Variants in TTN observed in about 807,000 individuals in gnomAD.
TTN encodes titin, also known as connectin.
TTN carries 1,525 observed loss-of-function variants against 3,223.0 expected under a neutral mutation model. The observed-to-expected ratio is 0.47, with a 90% CI of 0.45 to 0.49. The LOEUF (loss-of-function observed/expected upper bound fraction) is 0.49, where lower values mean the gene tolerates loss of function less well. TTN is among the 20% of genes least tolerant of loss of function. TTN has a pLI of 0.00. For synonymous variants in TTN, 14,094 were observed against 15,161.0 expected, an observed-to-expected ratio of 0.93 and a Z score of 5.17; for missense variants, 40,786 against 43,424.0, an observed-to-expected ratio of 0.94 and a Z score of 5.40.
In TTN at chr2:178,775,549, T is replaced by G. The variant is rs1347825753; in HGVS notation, c.6315A>C (p.Pro2105=). ...AHFRVRVVGK[P]DPECEWYKNG... ...TTTTGTACCATTCACATTCGGGGTCTGGTTTCCCCACGACTCTGACCCGGA... is the reference window on the plus strand; with the variant it reads ...TTTTGTACCATTCACATTCGGGGTCGGGTTTCCCCACGACTCTGACCCGGA... Residue 2105 remains proline, a synonymous_variant, in exon 28 of 363, where the codon CCA becomes CCC. Coordinates refer to ENST00000589042, the MANE Select transcript of TTN (RefSeq NM_001267550.2). 9 of 1,614,042 alleles carry G rather than the reference T, an allele frequency of 5.6e-6. No homozygotes were observed. The highest frequency in any genetic ancestry group is 7.6e-6 in the Non-Finnish European group (9 of 1,179,990).
In TTN at chr2:178,795,308, G is replaced by A. The variant is rs2093708602; in HGVS notation, c.915-56C>T. The stretch of plus-strand genomic sequence containing the variant: ...TCAAAGCAAGGAGGGGTAACTGGAT[G>A]TGAATCATGAGATGAAAAGCTGGAA... On this transcript the variant is annotated intron_variant, in intron 6 of 362. Transcript: ENST00000589042. 3.9e-6 allele frequency: 6 copies of A among 1,542,848 alleles called. No homozygotes were observed. In the Admixed American group the frequency reaches 8.4e-5, roughly 22 times the overall value.
Position 178,740,228 on chromosome 2 carries a change from T to G in TTN, c.13005A>C (p.Glu4335Asp). The part of the protein sequence containing the change: ...GKSLRFPLAL[E>D]EKQVLLKEEH... Reference sequence around the variant, plus strand: ...CTTCTTTGAGCAGTACCTGCTTTTCTTCAAGTGCTAGTGGAAATCTTAAGG... The same window carrying G: ...CTTCTTTGAGCAGTACCTGCTTTTCGTCAAGTGCTAGTGGAAATCTTAAGG... Residue 4335 changes from glutamate to aspartate, a missense_variant, in exon 48 of 363, where the codon GAA (glutamate) becomes GAC (aspartate). By Grantham distance (45) the Glu-to-Asp change is conservative. Transcript: ENST00000589042. 6.2e-7 allele frequency: 1 copy of G among 1,613,698 alleles called. No homozygotes were observed. The highest frequency in any genetic ancestry group is 8.5e-7 in the Non-Finnish European group (1 of 1,179,818).
Position 178,729,385 on chromosome 2 carries a change from A to G in TTN, c.18771T>C (p.His6257=), listed in dbSNP as rs2079980498. ...TGTCTGAAGGGTCACACTTGGTTATATGGAGGTTAAACACAGACACTCTGT... is the reference window on the plus strand; with the variant it reads ...TGTCTGAAGGGTCACACTTGGTTATGTGGAGGTTAAACACAGACACTCTGT... ...LTDRVSVFNL[H]ITKCDPSDTG... Residue 6257 remains histidine (H), a synonymous_variant, in exon 64 of 363, where the codon CAT becomes CAC. Coordinates refer to ENST00000589042, the MANE Select transcript of TTN (RefSeq NM_001267550.2). 6.2e-7 allele frequency: 1 copy of G among 1,613,492 alleles called. No homozygotes were observed. The highest frequency in any genetic ancestry group is 8.5e-7 in the Non-Finnish European group (1 of 1,179,658).
chr2:178,718,703 A>G lies in TTN; in HGVS notation c.24497T>C (p.Phe8166Ser). Reference sequence around the variant, plus strand: ...TGGGGGAAAGAGCAAACCTTTCACAAAAAGATGTGTGGTACAGGAAGCACT... The same window carrying G: ...TGGGGGAAAGAGCAAACCTTTCACAGAAAGATGTGTGGTACAGGAAGCACT... Reference protein sequence around the residue: ...AGSASCTTHLFVKEPATFVKR... With the variant: ...AGSASCTTHLSVKEPATFVKR... Residue 8166 changes from phenylalanine to serine, a missense_variant, in exon 84 of 363, where the codon TTT becomes TCT. Coordinates refer to ENST00000589042, the MANE Select transcript of TTN (RefSeq NM_001267550.2). 1 of 1,613,246 alleles carries G rather than the reference A, an allele frequency of 6.2e-7. No individual in the cohort carries two copies. The highest frequency in any genetic ancestry group is 1.3e-5 in the African/African-American group (1 of 75,018).
In TTN at chr2:178,672,326, C is replaced by T. The variant is rs960387877; in HGVS notation, c.34931-59G>A. The T allele has an allele frequency of 3.1e-6, 5 of 1,601,262 alleles. No individual in the cohort carries two copies. In the South Asian group the frequency reaches 4.5e-5, roughly 14 times the overall value. Reference sequence around the variant, plus strand: ...TAAACACTGAAGAAATAAAGATGTACATTCAAAATATATATTTTTAAAACT... The same window carrying T: ...TAAACACTGAAGAAATAAAGATGTATATTCAAAATATATATTTTTAAAACT... On this transcript the variant is annotated intron_variant, in intron 154 of 362. Transcript: ENST00000589042.
At chr2:178,748,015 T>C in intron 47 of TTN, 8 of 1,612,994 alleles carry the variant, frequency 5.0e-6, no homozygotes, top group Non-Finnish European at 6.8e-6. Flanking sequence ...CATCCTGCTT[T>C]GGAAATGCTG....
At chr2:178,663,538 T>C (rs891324455) in intron 171 of TTN, 22 bp from the exon 172 acceptor site, 2 of 1,613,346 alleles carry the variant, frequency 1.2e-6, no homozygotes, top group African/African-American at 2.7e-5. Flanking sequence ...TTAGTGAAAT[T>C]ACATTTAGGC....
intron 93 of TTN, 35 bp from the exon 94 acceptor site, chr2:178,713,010 T>C: frequency 1.2e-6 from 2 of 1,606,044 alleles, no homozygotes; most frequent in Non-Finnish European, 1.7e-6. Context: ...AAAGGTTTAG[T>C]ATTTGTGAAT....
At position 178,561,240 on chromosome 2, in the gene TTN, G is replaced by A. The variant is rs779581886; in HGVS notation, c.84892C>T (p.Arg28298Trp). 9.9e-6 allele frequency: 16 copies of A among 1,613,488 alleles called. No individual in the cohort carries two copies. The highest frequency in any genetic ancestry group is 5.3e-5 in the African/African-American group (4 of 74,884). Residue 28298 changes from arginine (R) to tryptophan (W), a missense_variant, in exon 326 of 363, where the codon CGG becomes TGG. Arg to Trp is a moderately radical substitution (Grantham distance 101). Transcript: ENST00000589042. Reference sequence around the variant, plus strand: ...TTAGTATAATTGCACTTCAGCCACCGGCCATCTGGTAGTTCTCTGCGTTCA... The same window carrying A: ...TTAGTATAATTGCACTTCAGCCACCAGCCATCTGGTAGTTCTCTGCGTTCA... The part of the protein sequence containing the change: ...IVERRELPDG[R>W]WLKCNYTNIQ...
Position 178,588,695 on chromosome 2 carries a change from C to A in TTN, c.63030G>T (p.Trp21010Cys), listed in dbSNP as rs779713577. The change falls in exon 304 of 363, where the codon TGG (tryptophan) becomes TGT (cysteine). Residue 21010 changes from tryptophan (W) to cysteine (C), a missense_variant. Trp to Cys is a radical substitution (Grantham distance 215). Coordinates refer to ENST00000589042, the MANE Select transcript of TTN (RefSeq NM_001267550.2). Reference sequence around the variant, plus strand: ...GGATTGCACTCTTGTTGACAGGGACCCATCGTGTTGAATGCTTTTCCTTTT... The same window carrying A: ...GGATTGCACTCTTGTTGACAGGGACACATCGTGTTGAATGCTTTTCCTTTT... The part of the protein sequence containing the change: ...LEKKEKHSTR[W>C]VPVNKSAIPE... The A allele has an allele frequency of 6.2e-7, 1 of 1,613,136 alleles. No homozygotes were observed. Among genetic ancestry groups the A allele is most frequent in the Non-Finnish European group, 8.5e-7 (1 of 1,179,462 alleles).
chr2:178,700,222 C>T (rs1379483174), intron 111 of TTN, among the ~76,000 whole-genome samples: 1 of 152,126 alleles, frequency 6.6e-6, no homozygotes, highest in Non-Finnish European at 1.5e-5. Flanking sequence ...TGCTTATGTT[C>T]GTATGAATCA....
At position 178,636,143 on chromosome 2, in the gene TTN, C is replaced by A; in HGVS notation, c.41428G>T (p.Val13810Leu). 6.2e-7 allele frequency: 1 copy of A among 1,613,096 alleles called. No individual in the cohort carries two copies. Among genetic ancestry groups the A allele is most frequent in the Non-Finnish European group, 8.5e-7 (1 of 1,179,466 alleles). ...LSCELNKERD[V>L]VWRKDGKIVV... is the part of the protein sequence containing the mutation. ...ATCTTGCCATCCTTCCTCCAGACCA[C>A]GTCACGCTCTTTGTTTAACTCGCAG... Residue 13810 changes from valine (V) to leucine (L), a missense_variant, in exon 226 of 363, where the codon GTG (valine) becomes TTG (leucine). Physicochemically the swap from Val to Leu is conservative, Grantham distance 32. Coordinates refer to ENST00000589042, the MANE Select transcript of TTN (RefSeq NM_001267550.2). The surrounding 1 kb of genome is among the most constrained non-coding windows in gnomAD (Gnocchi z 4.3).
Position 178,541,312 on chromosome 2 carries a change from A to T in TTN, c.97765T>A (p.Ser32589Thr). 6.5e-7 allele frequency: 1 copy of T among 1,542,440 alleles called. No homozygotes were observed. Among genetic ancestry groups the T allele is most frequent in the Non-Finnish European group, 8.8e-7 (1 of 1,138,566 alleles). ...GGATCCATGGCAACGATGGGTTTGGAAGGACGACTTGGTTTCCCAGACCCT... is the reference window on the plus strand; with the variant it reads ...GGATCCATGGCAACGATGGGTTTGGTAGGACGACTTGGTTTCCCAGACCCT... ...ARGSGKPSRPSKPIVAMDPIA... is the reference protein window; with the variant it reads ...ARGSGKPSRPTKPIVAMDPIA... Residue 32589 changes from serine (S) to threonine (T), a missense_variant, in exon 350 of 363, where the codon TCC becomes ACC. Physicochemically the swap from Ser to Thr is moderately conservative, Grantham distance 58 (BLOSUM62 1). Coordinates refer to ENST00000589042, the MANE Select transcript of TTN (RefSeq NM_001267550.2).
Position 178,780,021 on chromosome 2 carries a change from G to A in TTN, c.3708C>T (p.Val1236=), listed in dbSNP as rs774509972. The part of the protein sequence containing the change: ...RKKMAKDTVV[V]RTYVEDQEFH... ...TCACCTGATCTTCTACATAAGTTCT[G>A]ACCACTACAGTATCTTTGGCCATTT... The change falls in exon 22 of 363, where the codon GTC becomes GTT. Residue 1236 remains valine, a synonymous_variant. Coordinates refer to ENST00000589042, the MANE Select transcript of TTN (RefSeq NM_001267550.2). The A allele has an allele frequency of 2.5e-6, 4 of 1,612,760 alleles. No homozygotes were observed. The East Asian group carries it at 6.7e-5, about 27-fold the overall frequency.
rs1188602562 is a variant in TTN at position 178,776,830 on chromosome 2, C to T, written c.5034G>A (p.Glu1678=). 6.2e-7 allele frequency: 1 copy of T among 1,614,024 alleles called. No individual in the cohort carries two copies. Among genetic ancestry groups the T allele is most frequent in the Non-Finnish European group, 8.5e-7 (1 of 1,180,028 alleles). The change falls in exon 28 of 363, where the codon GAG becomes GAA. Residue 1678 remains glutamate, a synonymous_variant. Transcript: ENST00000589042. Reference sequence around the variant, plus strand: ...CTTGGCCATATCGCAAATGGAGGGGCTCCAGTTCTGGGGCTGCAATCTCCT... The same window carrying T: ...CTTGGCCATATCGCAAATGGAGGGGTTCCAGTTCTGGGGCTGCAATCTCCT... ...RAKEIAAPEL[E]PLHLRYGQEQ... is the part of the protein sequence containing the mutation.
intron 47 of TTN, chr2:178,748,399 T>C: frequency 6.2e-7 from 1 of 1,613,262 alleles, no homozygotes; most frequent in Non-Finnish European, 8.5e-7. Flanking sequence ...ATACATTATT[T>C]TGCACACTTT....
Position 178,608,908 on chromosome 2 carries a change from T to C in TTN, c.52103A>G (p.Asp17368Gly), listed in dbSNP as rs1439101818. ...AAAGTTGATTGGTGGTCCCGGTGTATCTAATATTTCAGAAGAGAACAGTAA... is the reference window on the plus strand; with the variant it reads ...AAAGTTGATTGGTGGTCCCGGTGTACCTAATATTTCAGAAGAGAACAGTAA... ...AKAPCTVSVL[D>G]TPGPPINFVF... The change falls in exon 274 of 363, where the codon GAT becomes GGT. Residue 17368 changes from aspartate to glycine, a missense_variant and splice_region_variant. Coordinates refer to ENST00000589042, the MANE Select transcript of TTN (RefSeq NM_001267550.2). 4 of 1,605,824 alleles carry C rather than the reference T, an allele frequency of 2.5e-6. No individual in the cohort carries two copies. The highest frequency in any genetic ancestry group is 3.4e-6 in the Non-Finnish European group (4 of 1,178,606).
intron 152 of TTN, among the ~76,000 whole-genome samples, chr2:178,673,092 T>C (rs2067302196): frequency 1.3e-5 from 2 of 151,814 alleles, no homozygotes; most frequent in South Asian, 2.1e-4. Flanking sequence ...GAGTCTACTA[T>C]GACAGGGACA....
At chr2:178,758,948 T>C (rs376132714) in intron 44 of TTN, 36 bp downstream of exon 44, 54 of 1,590,486 alleles carry the variant, frequency 3.4e-5, no homozygotes, top group Middle Eastern at 1.7e-4. Flanking sequence ...ATTCGATCTA[T>C]ATTTAAATGG....
Sources: gnomAD v4.1 joint callset for allele counts (sites outside exome capture counted in the v4.1 genomes callset) on GRCh38, gnomAD v4.1.1 for gene constraint, Gnocchi (gnomAD v3.1) non-coding constraint, MANE v1.5 for transcripts, NCBI Gene and HGNC (gene_info 2026-07-23, HGNC 2026-07-21) for gene names.